The following KALRN variants were observed in gnomAD, a reference collection of about 807,000 sequenced individuals.
KALRN encodes the protein kalirin.
KALRN carries 70 observed loss-of-function variants against 353.7 expected under a neutral mutation model. The ratio of observed to expected loss-of-function variants is 0.20; its 90% CI spans 0.16 to 0.24. KALRN has a LOEUF of 0.24. Among genes scored for constraint, KALRN ranks in the 10% least tolerant of loss-of-function variants. The probability of loss-of-function intolerance (pLI) is 1.00; values close to 1 mark genes in which losing one functional copy is unlikely to be tolerated. For missense variants in KALRN, 2,791 were observed against 3,756.7 expected (o/e 0.74, Z 6.72); for synonymous variants, 1,391 against 1,434.8 (o/e 0.97, Z 0.69).
intron 5 of KALRN, among the ~76,000 whole-genome samples, chr3:124,293,641 A>C (rs181297380): frequency 6.6e-6 from 1 of 152,186 alleles, no homozygotes; most frequent in Non-Finnish European, 1.5e-5. Context: ...GGAAAAAAAA[A>C]CCCCAAATGA....
intron 9 of KALRN, among the ~76,000 whole-genome samples, chr3:124,340,729 T>C (rs1410915599): frequency 6.6e-6 from 1 of 151,908 alleles, no homozygotes; most frequent in Non-Finnish European, 1.5e-5. Context: ...CAAAGGCAGG[T>C]AGATTAGCTG....
intron 30 of KALRN, 32 bp from the exon 31 acceptor site, chr3:124,491,291 C>T (rs901494123): frequency 7.0e-7 from 1 of 1,423,132 alleles, no homozygotes; most frequent in Non-Finnish European, 9.6e-7. Context: ...CCCTCCCCTT[C>T]CCCGCCTCTC....
intron 33 of KALRN, among the ~76,000 whole-genome samples, chr3:124,500,751 T>C (rs2064422264): frequency 6.6e-6 from 1 of 152,244 alleles, no homozygotes. Flanking sequence ...CTCACTTTGT[T>C]CCATGGTGGT....
At chr3:124,079,175 G>A (rs1355250921) in intron 1 of KALRN, among the ~76,000 whole-genome samples, 1 of 152,182 alleles carries the variant, frequency 6.6e-6, no homozygotes, top group African/African-American at 2.4e-5. Context: ...ATGATCTGCA[G>A]CTGCAGAGGA....
intron 1 of KALRN, among the ~76,000 whole-genome samples, chr3:124,225,031 C>T (rs923858379): frequency 2.0e-5 from 3 of 152,124 alleles, no homozygotes; most frequent in Admixed American, 6.5e-5. Flanking sequence ...GACACGTACC[C>T]GATAGTGAAA....
At chr3:124,045,623 T>C (rs1405586658) in intron 1 of KALRN, among the ~76,000 whole-genome samples, 1 of 152,190 alleles carries the variant, frequency 6.6e-6, no homozygotes, top group Non-Finnish European at 1.5e-5. Flanking sequence ...AGCAGATCTC[T>C]TCATTTATTC....
chr3:124,134,564 G>A (rs1578433879), intron 1 of KALRN, among the ~76,000 whole-genome samples: 1 of 152,180 alleles, frequency 6.6e-6, no homozygotes, highest in East Asian at 1.9e-4. Flanking sequence ...ATGGCAAAAG[G>A]AACAGTCAGC....
At chr3:124,108,408 T>C (rs2062522433) in intron 1 of KALRN, among the ~76,000 whole-genome samples, 1 of 152,226 alleles carries the variant, frequency 6.6e-6, no homozygotes, top group Admixed American at 6.5e-5. Flanking sequence ...GAGTCTCAGT[T>C]TCTTTATTCA....
At chr3:124,684,839 T>C (rs1430825714) in intron 51 of KALRN, among the ~76,000 whole-genome samples, 1 of 152,150 alleles carries the variant, frequency 6.6e-6, no homozygotes, top group Non-Finnish European at 1.5e-5. Flanking sequence ...CTGGGAAGTT[T>C]GAGCGGCCAG....
At chr3:124,476,060 T>C (rs2061403250) in intron 26 of KALRN, among the ~76,000 whole-genome samples, 1 of 152,062 alleles carries the variant, frequency 6.6e-6, no homozygotes, top group Non-Finnish European at 1.5e-5. Context: ...ATCTCCTAGG[T>C]AGTACATAGT....
chr3:124,513,694 G>C (rs1170302655), intron 33 of KALRN, among the ~76,000 whole-genome samples: 1 of 152,204 alleles, frequency 6.6e-6, no homozygotes, highest in African/African-American at 2.4e-5. Flanking sequence ...AGTTCTCTCA[G>C]AGGGTTCCCT....
chr3:124,435,050 C>T (rs1283823745), intron 17 of KALRN, among the ~76,000 whole-genome samples: 3 of 152,122 alleles, frequency 2.0e-5, no homozygotes, highest in Non-Finnish European at 4.4e-5. Flanking sequence ...TGCAAGAGTC[C>T]AAAATCTACC....
intron 33 of KALRN, among the ~76,000 whole-genome samples, chr3:124,501,843 A>G (rs1274974723): frequency 6.6e-6 from 1 of 152,244 alleles, no homozygotes; most frequent in Non-Finnish European, 1.5e-5. Context: ...GGAGTACAGC[A>G]GTAAATGAGA....
intron 1 of KALRN, among the ~76,000 whole-genome samples, chr3:124,212,450 A>G (rs536151487): frequency 1.3e-5 from 2 of 152,304 alleles, no homozygotes; most frequent in East Asian, 3.9e-4. Context: ...TTACTCAGAA[A>G]TACAAATTGT....
intron 18 of KALRN, among the ~76,000 whole-genome samples, chr3:124,440,455 A>T (rs1293018181): frequency 6.6e-6 from 1 of 151,950 alleles, no homozygotes; most frequent in Non-Finnish European, 1.5e-5. Flanking sequence ...ATCCACTTGA[A>T]ACTCCTTAAG....
At chr3:124,584,558 G>C in intron 34 of KALRN, 2 of 1,246,574 alleles carry the variant, frequency 1.6e-6, no homozygotes, top group Non-Finnish European at 2.1e-6. Context: ...ATGAGGCTCC[G>C]GCCGCTGCTG....
At chr3:124,449,844 G>A (rs1273206241) in intron 21 of KALRN, among the ~76,000 whole-genome samples, 3 of 128,832 alleles carry the variant, frequency 2.3e-5, no homozygotes, top group African/African-American at 7.9e-5. Flanking sequence ...AATGCTTTCA[G>A]GATTCATCCA....
intron 1 of KALRN, among the ~76,000 whole-genome samples, chr3:124,183,587 A>G (rs1265687410): frequency 1.3e-5 from 2 of 152,162 alleles, no homozygotes; most frequent in East Asian, 3.9e-4. Flanking sequence ...ACTATATCAG[A>G]CACCATGGGA....
intron 3 of KALRN, among the ~76,000 whole-genome samples, chr3:124,263,090 T>A (rs1560398295): frequency 6.6e-6 from 1 of 152,244 alleles, no homozygotes; most frequent in Non-Finnish European, 1.5e-5. Flanking sequence ...TTCGTTTTTT[T>A]TCTTCCTATT....
Sources: gnomAD v4.1 joint callset for allele counts (sites outside exome capture counted in the v4.1 genomes callset) on GRCh38, gnomAD v4.1.1 for gene constraint, MANE v1.5 for transcripts, NCBI Gene and HGNC (gene_info 2026-07-23, HGNC 2026-07-21) for gene names.